The following IGSF11 variants were observed in gnomAD, a reference collection of about 807,000 sequenced individuals.
IGSF11 encodes the protein CXADR like 1.
Under a neutral mutation model 41.0 loss-of-function variants are expected in IGSF11, and 22 were observed. The observed-to-expected ratio is 0.54, with a 90% CI of 0.38 to 0.77. The LOEUF is 0.77. IGSF11 is among the 30% of genes least tolerant of loss of function. IGSF11 has a pLI of 0.00. For missense variants in IGSF11, 444 were observed against 530.8 expected, an observed-to-expected ratio of 0.84 and a Z score of 1.61; for synonymous variants, 219 against 201.3, an observed-to-expected ratio of 1.09 and a Z score of -0.74.
chr3:118,941,317 T>G (rs1311454544), intron 1 of IGSF11, among the ~76,000 whole-genome samples: 1 of 152,088 alleles, frequency 6.6e-6, no homozygotes, highest in East Asian at 1.9e-4. Context: ...GCACAAAAGA[T>G]TTGAACAGAC....
rs147943715 is a variant in IGSF11 at position 119,066,699 on chromosome 3, C to T, written c.49+38445G>A. Among the ~76,000 whole-genome samples, 14 of 152,250 alleles carry T rather than the reference C, an allele frequency of 9.2e-5. No individual in the cohort carries two copies. The East Asian group carries it at 2.5e-3, about 27-fold the overall frequency. On this transcript the variant is annotated intron_variant, in intron 1 of 6. Transcript: ENST00000354673. ...TTTTCCCAGAGAACTGGATTGTCATCGTACCACTATACCTGTTTGCTATAC... is the reference window on the plus strand; with the variant it reads ...TTTTCCCAGAGAACTGGATTGTCATTGTACCACTATACCTGTTTGCTATAC...
chr3:119,118,638 T>C (rs947475107), intron 1 of IGSF11, among the ~76,000 whole-genome samples: 2 of 152,266 alleles, frequency 1.3e-5, no homozygotes, highest in African/African-American at 4.8e-5. Context: ...TCATTACTTA[T>C]GCAAATTTCT....
At chr3:119,131,845 C>T (rs1432927814) in intron 1 of IGSF11, among the ~76,000 whole-genome samples, 2 of 152,208 alleles carry the variant, frequency 1.3e-5, no homozygotes, top group African/African-American at 4.8e-5. Flanking sequence ...AGACTAACAG[C>T]AGATCTCTTG....
chr3:119,051,364 AG>A (rs1181968024), intron 1 of IGSF11, among the ~76,000 whole-genome samples: 1 of 151,944 alleles, frequency 6.6e-6, no homozygotes, highest in East Asian at 1.9e-4. Context: ...AAGCAACAAC[AG>A]TTAAAAAAAA....
chr3:119,097,481 T>C (rs2076872466), intron 1 of IGSF11, among the ~76,000 whole-genome samples: 1 of 150,782 alleles, frequency 6.6e-6, no homozygotes, highest in Non-Finnish European at 1.5e-5. Context: ...CCAGGGAATC[T>C]ACCCCAGCAA....
At chr3:119,027,946 T>A (rs1053039952) in intron 1 of IGSF11, among the ~76,000 whole-genome samples, 2 of 152,194 alleles carry the variant, frequency 1.3e-5, no homozygotes. Context: ...CTGCAAGAAG[T>A]GATGCTTACT....
At chr3:119,145,262 T>C (rs905579868) in intron 1 of IGSF11, among the ~76,000 whole-genome samples, 5 of 152,332 alleles carry the variant, frequency 3.3e-5, no homozygotes, top group Non-Finnish European at 5.9e-5. Flanking sequence ...TTGGCCTGCC[T>C]CAGTGATTTC....
At chr3:118,970,433 G>A (rs1381180596) in intron 1 of IGSF11, among the ~76,000 whole-genome samples, 1 of 152,174 alleles carries the variant, frequency 6.6e-6, no homozygotes, top group African/African-American at 2.4e-5. Context: ...ATTTAGAGGT[G>A]CTAAATGGAA....
chr3:119,107,805 T>A (rs892041420), upstream of IGSF11, among the ~76,000 whole-genome samples: 11 of 151,568 alleles, frequency 7.3e-5, no homozygotes, highest in Non-Finnish European at 1.6e-4. Flanking sequence ...TTTCTACATA[T>A]GGCTAGCCAG....
chr3:119,023,747 C>G (rs1219699374), intron 1 of IGSF11, among the ~76,000 whole-genome samples: 1 of 152,138 alleles, frequency 6.6e-6, no homozygotes, highest in Non-Finnish European at 1.5e-5. Context: ...TCACTACTCT[C>G]CACTCAAGTC....
At chr3:118,955,399 C>T (rs1387706980) in intron 1 of IGSF11, among the ~76,000 whole-genome samples, 1 of 152,044 alleles carries the variant, frequency 6.6e-6, no homozygotes, top group African/African-American at 2.4e-5. Flanking sequence ...TTCTTACTCA[C>T]AGGTGGGAGC....
At chr3:119,100,453 G>A (rs1463585100) in intron 1 of IGSF11, among the ~76,000 whole-genome samples, 1 of 152,222 alleles carries the variant, frequency 6.6e-6, no homozygotes, top group African/African-American at 2.4e-5. Context: ...TGAAGCCAGT[G>A]TGGCAGAGAT....
chr3:119,062,837 C>T (rs925123894), intron 1 of IGSF11, among the ~76,000 whole-genome samples: 3 of 152,030 alleles, frequency 2.0e-5, no homozygotes, highest in Non-Finnish European at 4.4e-5. Flanking sequence ...ATACAGGAAC[C>T]CACCCTCTGC....
At chr3:118,962,930 C>G (rs947828090) in intron 1 of IGSF11, among the ~76,000 whole-genome samples, 2 of 152,082 alleles carry the variant, frequency 1.3e-5, no homozygotes, top group African/African-American at 2.4e-5. Flanking sequence ...TATCATGAAG[C>G]CTGCAAGCCA....
upstream of IGSF11, among the ~76,000 whole-genome samples, chr3:119,105,408 TA>T (rs1200512517): frequency 6.6e-6 from 1 of 152,150 alleles, no homozygotes. Context: ...ATGGATTAAC[TA>T]AAGCTACCCC....
chr3:119,019,395 TG>T (rs895071900), intron 1 of IGSF11, among the ~76,000 whole-genome samples: 4 of 147,512 alleles, frequency 2.7e-5, no homozygotes, highest in African/African-American at 7.6e-5. Context: ...CCATACTAGA[TG>T]GGTGGCAGGG....
At chr3:118,919,327 AC>A (rs1343419923) in intron 4 of IGSF11, among the ~76,000 whole-genome samples, 3 of 135,738 alleles carry the variant, frequency 2.2e-5, no homozygotes, top group Non-Finnish European at 4.6e-5. Context: ...CAGGCAACCT[AC>A]AACATGGGAG....
chr3:119,034,802 C>T lies in IGSF11; in HGVS notation c.-220G>A. The T allele has an allele frequency of 7.9e-7, 1 of 1,261,806 alleles. No homozygotes were observed. The highest frequency in any genetic ancestry group is 1.0e-6 in the Non-Finnish European group (1 of 1,003,192). The allele number at this position is 1,261,806 out of a possible 1,614,324, so 78.2% of individuals were successfully genotyped here. On this transcript the variant is annotated 5_prime_UTR_variant, in exon 1 of 7. Coordinates refer to ENST00000393775, the MANE Select transcript of IGSF11 (RefSeq NM_001015887.3). ...GCGGACGCTGAGCTGTGACCAGAGG[C>T]GTTCCGGGCTCGCCAGCCGTGCCAC...
chr3:118,968,452 AAAAATAAAGTACAGGACAGAG>A (rs1260968832), intron 1 of IGSF11, among the ~76,000 whole-genome samples: 1 of 152,222 alleles, frequency 6.6e-6, no homozygotes, highest in East Asian at 1.9e-4. Context: ...TATCGAATTA[AAAAATAAAGTACAGGACAGAG>A]AAAATAAAGT....
Sources: gnomAD v4.1 joint callset for allele counts (sites outside exome capture counted in the v4.1 genomes callset) on GRCh38, gnomAD v4.1.1 for gene constraint, MANE v1.5 for transcripts, NCBI Gene and HGNC (gene_info 2026-07-23, HGNC 2026-07-21) for gene names.